Variants in CALD1 observed in about 807,000 individuals in gnomAD.
CALD1 encodes the protein caldesmon.
CALD1 carries 33 observed loss-of-function variants against 99.9 expected under a neutral mutation model. The ratio of observed to expected loss-of-function variants is 0.33; its 90% CI spans 0.25 to 0.44. The LOEUF (loss-of-function observed/expected upper bound fraction) is 0.44, where lower values mean the gene tolerates loss of function less well. Ranked by LOEUF, CALD1 falls within the 20% of genes least tolerant of loss-of-function variation. CALD1 has a pLI of 1.00. For synonymous variants in CALD1, 310 were observed against 325.0 expected, an observed-to-expected ratio of 0.95 and a Z score of 0.50; for missense variants, 861 against 962.1, an observed-to-expected ratio of 0.89 and a Z score of 1.39.
At chr7:134,877,414 A>G (rs1586178670) in intron 3 of CALD1, among the ~76,000 whole-genome samples, 1 of 152,312 alleles carries the variant, frequency 6.6e-6, no homozygotes, top group Non-Finnish European at 1.5e-5. Flanking sequence ...CATTTTCCCT[A>G]CTTGTTTGAA....
At chr7:134,798,637 A>G (rs1255194835) in intron 1 of CALD1, among the ~76,000 whole-genome samples, 1 of 152,258 alleles carries the variant, frequency 6.6e-6, no homozygotes, top group African/African-American at 2.4e-5. Context: ...TAAAAACACT[A>G]CAATTTATGG....
In CALD1 at chr7:134,933,259, G is replaced by C; in HGVS notation, c.490G>C (p.Glu164Gln). The C allele has an allele frequency of 6.2e-7, 1 of 1,607,784 alleles. No individual in the cohort carries two copies. Among genetic ancestry groups the C allele is most frequent in the Non-Finnish European group, 8.5e-7 (1 of 1,177,620 alleles). Residue 164 changes from glutamate (E) to glutamine (Q), a missense_variant, in exon 5 of 15, where the codon GAA becomes CAA. Glu to Gln is a conservative substitution (Grantham distance 29). Coordinates refer to ENST00000361675, the MANE Select transcript of CALD1 (RefSeq NM_033138.4). ...TCGCCAAGAAAGATACGAGATAGAG[G>C]AAACAGAAACAGTCACCAAGTCCTA... is the stretch of plus-strand genomic sequence containing the variant. ...ESRQERYEIE[E>Q]TETVTKSYQK...
intron 9 of CALD1, among the ~76,000 whole-genome samples, chr7:134,955,282 C>G (rs904556257): frequency 7.2e-5 from 11 of 152,148 alleles, no homozygotes; most frequent in African/African-American, 2.4e-4. Context: ...CCCAGCTACT[C>G]GACGCTGAGG....
intron 3 of CALD1, among the ~76,000 whole-genome samples, chr7:134,871,348 G>A (rs1180233487): frequency 6.6e-6 from 1 of 152,120 alleles, no homozygotes; most frequent in Non-Finnish European, 1.5e-5. Context: ...TCCCTGATCT[G>A]GAGGGCAGTT....
At chr7:134,965,223 C>T in intron 13 of CALD1, 83 bp from the exon 14 acceptor site, 1 of 766,114 alleles carries the variant, frequency 1.3e-6, no homozygotes, top group Admixed American at 1.8e-5. Context: ...TTCAAATAAA[C>T]AATAGATGTG....
intron 9 of CALD1, among the ~76,000 whole-genome samples, chr7:134,957,122 A>G (rs995734806): frequency 6.6e-6 from 1 of 152,102 alleles, no homozygotes; most frequent in East Asian, 1.9e-4. Flanking sequence ...AGCCTCAGCC[A>G]TTACAGATGA....
intron 5 of CALD1, 76 bp from the exon 6 acceptor site, chr7:134,935,612 G>T: frequency 6.5e-7 from 1 of 1,529,020 alleles, no homozygotes; most frequent in South Asian, 1.3e-5. Context: ...AAGGCGATCC[G>T]AGCACCCTGT....
chr7:134,779,520 A>T (rs774816812), upstream of CALD1: 1 of 394,318 alleles, frequency 2.5e-6, no homozygotes, highest in African/African-American at 2.1e-5. Flanking sequence ...GAAAAACGAC[A>T]GGACAATGCA....
intron 1 of CALD1, among the ~76,000 whole-genome samples, chr7:134,750,460 G>A (rs1796676148): frequency 3.9e-5 from 6 of 152,140 alleles, no homozygotes; most frequent in Admixed American, 3.9e-4. Flanking sequence ...ATATATTACC[G>A]ATTACCGCTA....
chr7:134,890,670 C>CA (rs1232910734), intron 3 of CALD1, among the ~76,000 whole-genome samples: 4 of 152,342 alleles, frequency 2.6e-5, no homozygotes, highest in Non-Finnish European at 5.9e-5. Flanking sequence ...ACACCACCCC[C>CA]TCCTCAGGAA....
chr7:134,961,888 AATAATCACTGGTTCCAG>A (rs1169895739), intron 13 of CALD1: 5 of 152,086 alleles, frequency 3.3e-5, no homozygotes, highest in African/African-American at 1.2e-4. Context: ...TCAAAAACAA[AATAATCACTGGTTCCAG>A]ACCAGTGATT....
upstream of CALD1, among the ~76,000 whole-genome samples, chr7:134,743,015 CT>C (rs1796604018): frequency 6.6e-6 from 1 of 152,194 alleles, no homozygotes; most frequent in Non-Finnish European, 1.5e-5. Flanking sequence ...TTACAGCAGC[CT>C]TTTAAAGTCA....
intron 1 of CALD1, among the ~76,000 whole-genome samples, chr7:134,814,625 A>C (rs570846839): frequency 7.9e-5 from 12 of 152,154 alleles, no homozygotes; most frequent in African/African-American, 2.9e-4. Flanking sequence ...GACCACCTTC[A>C]TTCCTCTAAC....
At chr7:134,934,692 G>C (rs1321462602) in intron 5 of CALD1, among the ~76,000 whole-genome samples, 5 of 152,086 alleles carry the variant, frequency 3.3e-5, no homozygotes, top group Non-Finnish European at 7.4e-5. Flanking sequence ...GACCATCCTG[G>C]CCAACATGGT....
rs926456224 is a variant in CALD1 at position 134,789,998 on chromosome 7, G to C, written c.-130+10249G>C. ...GTTGTATTATTCCTGAGATTGGGTT[G>C]TTTTGCAGGTTTTCAGTGTTTTAGA... On this transcript the variant is annotated intron_variant, in intron 1 of 14. Transcript: ENST00000361675. Among the ~76,000 whole-genome samples the C allele has an allele frequency of 3.3e-5, 5 of 150,674 alleles. No individual in the cohort carries two copies. The South Asian group carries it at 1.1e-3, about 32-fold the overall frequency.
At chr7:134,938,915 G>A (rs1030569344) in intron 6 of CALD1, among the ~76,000 whole-genome samples, 2 of 152,138 alleles carry the variant, frequency 1.3e-5, no homozygotes, top group African/African-American at 4.8e-5. Flanking sequence ...TACATTTGGG[G>A]AGAATGGAAA....
chr7:134,726,996 C>T, the CALD1 span, among the ~76,000 whole-genome samples: 1 of 152,180 alleles, frequency 6.6e-6, no homozygotes, highest in Non-Finnish European at 1.5e-5. Context: ...TGTTCCTCCT[C>T]CTCACAGCTT....
intron 14 of CALD1, among the ~76,000 whole-genome samples, chr7:134,965,606 T>G (rs1808616217): frequency 1.3e-5 from 2 of 152,158 alleles, no homozygotes; most frequent in Admixed American, 6.5e-5. Context: ...GGAATGGTTC[T>G]CAGTAGGACA....
intron 2 of CALD1, among the ~76,000 whole-genome samples, chr7:134,853,499 T>C (rs1800164674): frequency 6.6e-6 from 1 of 152,164 alleles, no homozygotes; most frequent in Non-Finnish European, 1.5e-5. Flanking sequence ...AGATCGTTCC[T>C]GTAGTTCTCT....
Sources: gnomAD v4.1 joint callset for allele counts (sites outside exome capture counted in the v4.1 genomes callset) on GRCh38, gnomAD v4.1.1 for gene constraint, MANE v1.5 for transcripts, NCBI Gene and HGNC (gene_info 2026-07-23, HGNC 2026-07-21) for gene names.